The following IL1RAPL1 variants were observed in gnomAD, a reference collection of about 807,000 sequenced individuals.
IL1RAPL1 encodes interleukin 1 receptor accessory protein like 1, also known as interleukin-1 receptor accessory protein-like 1.
In IL1RAPL1, 3 loss-of-function variants were observed where a neutral mutation model predicts 48.4. The ratio of observed to expected loss-of-function variants is 0.06; its 90% CI spans 0.03 to 0.16. The LOEUF is 0.16. Among genes scored for constraint, IL1RAPL1 ranks in the 10% least tolerant of loss-of-function variants. IL1RAPL1 has a pLI of 1.00. For missense variants in IL1RAPL1, 349 were observed against 530.6 expected (o/e 0.66, Z 3.36); for synonymous variants, 185 against 187.7 (o/e 0.99, Z 0.12).
chrX:28,606,867 T>A (rs1934089934), intron 1 of IL1RAPL1, among the ~76,000 whole-genome samples: 1 of 111,381 alleles, frequency 9.0e-6, no homozygotes, highest in African/African-American at 3.3e-5. Context: ...ACATTTTTGA[T>A]TCTTTTCCAT....
intron 2 of IL1RAPL1, among the ~76,000 whole-genome samples, chrX:28,909,965 CT>C (rs1923316089): frequency 9.0e-6 from 1 of 111,604 alleles, no homozygotes; most frequent in Admixed American, 9.5e-5. Context: ...CTTGTTTATT[CT>C]TTTGACCACC....
At chrX:29,026,469 C>T (rs1044388771) in intron 2 of IL1RAPL1, among the ~76,000 whole-genome samples, 3 of 111,135 alleles carry the variant, frequency 2.7e-5, no homozygotes, top group Non-Finnish European at 5.6e-5. Context: ...GATGCATGCA[C>T]GGCTTAAAAC....
chrX:29,756,640 C>T (rs1235854322), intron 6 of IL1RAPL1, among the ~76,000 whole-genome samples: 2 of 111,030 alleles, frequency 1.8e-5, no homozygotes, highest in East Asian at 2.8e-4. Context: ...CTCGAACTCC[C>T]GACCTCAGGT....
At chrX:29,423,949 G>A (rs944432003) in intron 5 of IL1RAPL1, among the ~76,000 whole-genome samples, 3 of 111,580 alleles carry the variant, frequency 2.7e-5, no homozygotes, top group Non-Finnish European at 5.6e-5. Flanking sequence ...GTGCTGTCCT[G>A]GACAGTGTGA....
chrX:28,665,032 T>A (rs1934860628), intron 1 of IL1RAPL1, among the ~76,000 whole-genome samples: 1 of 112,149 alleles, frequency 8.9e-6, no homozygotes, highest in Non-Finnish European at 1.9e-5. Context: ...ATAAATAATG[T>A]CCATTGAACT....
At chrX:29,217,775 TCTCACACA>T (rs1325483988) in intron 2 of IL1RAPL1, among the ~76,000 whole-genome samples, 1,591 of 68,350 alleles carry the variant, frequency 0.023, 20 homozygotes, top group African/African-American at 0.069. Context: ...TCTCTCTCTC[TCTCACACA>T]CACACACACA....
At chrX:29,493,090 A>C (rs1935175603) in intron 5 of IL1RAPL1, among the ~76,000 whole-genome samples, 1 of 112,077 alleles carries the variant, frequency 8.9e-6, no homozygotes, top group South Asian at 3.7e-4. Flanking sequence ...TACTGAAGAA[A>C]TCACTAAATC....
Position 29,304,179 on chromosome X carries a change from T to C in IL1RAPL1, c.362+20962T>C, listed in dbSNP as rs965129523. 2.7e-5 allele frequency among the ~76,000 whole-genome samples: 3 copies of C among 111,105 alleles called. No homozygotes were observed. In the Admixed American group the frequency reaches 2.9e-4, roughly 11 times the overall value. On this transcript the variant is annotated intron_variant, in intron 3 of 10. Coordinates refer to ENST00000378993, the MANE Select transcript of IL1RAPL1 (RefSeq NM_014271.4). ...AAAATAACTATTTTCTTGCTTTTTT[T>C]TTTCCTCAAGAAAGCCTTGAGTCTC...
At chrX:29,555,979 G>T (rs188793116) in intron 5 of IL1RAPL1, among the ~76,000 whole-genome samples, 1 of 111,983 alleles carries the variant, frequency 8.9e-6, no homozygotes, top group Non-Finnish European at 1.9e-5. Context: ...AAGCAAGAGT[G>T]GAGCCCACTC....
chrX:29,361,759 ATAAAAT>A (rs1933379997), intron 3 of IL1RAPL1, among the ~76,000 whole-genome samples: 4 of 112,461 alleles, frequency 3.6e-5, no homozygotes, highest in African/African-American at 1.3e-4. Flanking sequence ...CATTTATCAA[ATAAAAT>A]TTATGTATGT....
chrX:29,274,503 A>G (rs1932089454), intron 2 of IL1RAPL1, among the ~76,000 whole-genome samples: 1 of 112,285 alleles, frequency 8.9e-6, no homozygotes, highest in Middle Eastern at 4.7e-3. Flanking sequence ...CAAATAGGCA[A>G]TTAATCTGTA....
intron 2 of IL1RAPL1, among the ~76,000 whole-genome samples, chrX:28,891,799 AT>A (rs1922776933): frequency 9.0e-6 from 1 of 111,225 alleles, no homozygotes; most frequent in Non-Finnish European, 1.9e-5. Flanking sequence ...GAGGAACCAG[AT>A]TTACCAAAAC....
At chrX:29,245,549 T>C (rs1796045668) in intron 2 of IL1RAPL1, among the ~76,000 whole-genome samples, 1 of 112,343 alleles carries the variant, frequency 8.9e-6, no homozygotes, top group Non-Finnish European at 1.9e-5. Flanking sequence ...TTTTTTCATA[T>C]GTTTGTTGGC....
chrX:28,817,395 C>T (rs1276352873), intron 2 of IL1RAPL1, among the ~76,000 whole-genome samples: 2 of 110,779 alleles, frequency 1.8e-5, no homozygotes, highest in Non-Finnish European at 3.8e-5. Flanking sequence ...CACCATGTAT[C>T]AGGCAGACCT....
intron 2 of IL1RAPL1, among the ~76,000 whole-genome samples, chrX:29,168,598 T>C (rs1413902690): frequency 3.4e-5 from 3 of 87,005 alleles, no homozygotes; most frequent in Non-Finnish European, 7.2e-5. Flanking sequence ...TATATATTCA[T>C]ATATACAATT....
intron 1 of IL1RAPL1, among the ~76,000 whole-genome samples, chrX:28,630,641 A>G (rs753938273): frequency 4.5e-5 from 5 of 112,321 alleles, no homozygotes; most frequent in Non-Finnish European, 3.8e-5. Context: ...GTCTACTGCA[A>G]CTGATATTTT....
In IL1RAPL1 at chrX:29,820,123, TATAA is replaced by T. The variant is rs1569178809; in HGVS notation, c.779-97337_779-97334del. ...ACTTATATAAATTTATATATACTTA[TATAA>T]ATATAGTATAAGCTACTACATGTAT... On this transcript the variant is annotated intron_variant, in intron 6 of 10. Coordinates refer to ENST00000378993, the MANE Select transcript of IL1RAPL1 (RefSeq NM_014271.4). Among the ~76,000 whole-genome samples the T allele has an allele frequency of 4.7e-5, 5 of 107,520 alleles. No homozygotes were observed. In the East Asian group the frequency reaches 8.5e-4, roughly 18 times the overall value. The allele number at this position is 107,520 out of a possible 115,157, so 93.4% of individuals were successfully genotyped here. A position where few individuals can be genotyped will look rare whatever the true frequency, so the allele number is the denominator to read the frequency against.
intron 5 of IL1RAPL1, among the ~76,000 whole-genome samples, chrX:29,654,644 C>T (rs1315155658): frequency 2.7e-5 from 3 of 111,675 alleles, no homozygotes; most frequent in Non-Finnish European, 3.8e-5. Flanking sequence ...TCCCTCCTCC[C>T]ACGACATGTG....
At position 29,402,072 on chromosome X, in the gene IL1RAPL1, T is replaced by G. The variant is rs1283031779; in HGVS notation, c.703+2764T>G. ...CCATGCCCAGCTAATTTTTGTATTT[T>G]TAGTAGAGACCGGGTTTAACCATGT... On this transcript the variant is annotated intron_variant, in intron 5 of 10. Coordinates refer to ENST00000378993, the MANE Select transcript of IL1RAPL1 (RefSeq NM_014271.4). Among the ~76,000 whole-genome samples, 3 of 110,986 alleles carry G rather than the reference T, an allele frequency of 2.7e-5. No individual in the cohort carries two copies. The East Asian group carries it at 8.5e-4, about 31-fold the overall frequency.
Sources: allele counts gnomAD v4.1 joint callset (sites outside exome capture counted in the v4.1 genomes callset), GRCh38; gene constraint gnomAD v4.1.1; transcripts MANE v1.5; gene names NCBI Gene and HGNC (gene_info 2026-07-23, HGNC 2026-07-21).